FHIT: variants seen among roughly 807,000 people sequenced by gnomAD.
FHIT encodes the protein bis(5'-adenosyl)-triphosphatase.
Under a neutral mutation model 17.9 loss-of-function variants are expected in FHIT, and 19 were observed. The ratio of observed to expected loss-of-function variants is 1.06; its 90% confidence interval spans 0.74 to 1.56. The LOEUF (loss-of-function observed/expected upper bound fraction) is 1.56, where lower values mean the gene tolerates loss of function less well. Ranked by LOEUF, FHIT falls within the 40% of genes most tolerant of loss-of-function variation. The pLI is 0.00. For synonymous variants in FHIT, 81 were observed against 69.7 expected (o/e 1.16, Z -0.81); for missense variants, 248 against 189.2 (o/e 1.31, Z -1.82).
intron 3 of FHIT, among the ~76,000 whole-genome samples, chr3:60,866,499 C>T (rs1553753897): frequency 6.6e-6 from 1 of 152,114 alleles, no homozygotes; most frequent in Non-Finnish European, 1.5e-5. Flanking sequence ...ATCAAGCTGC[C>T]AGGCATGTGG....
chr3:60,585,462 C>T (rs1488896896), intron 4 of FHIT, among the ~76,000 whole-genome samples: 7 of 151,974 alleles, frequency 4.6e-5, no homozygotes, highest in Admixed American at 4.6e-4. Flanking sequence ...CATAGACTCA[C>T]ATGATGTTAT....
chr3:60,996,792 T>C (rs769105404), intron 3 of FHIT, among the ~76,000 whole-genome samples: 1 of 152,252 alleles, frequency 6.6e-6, no homozygotes, highest in Non-Finnish European at 1.5e-5. Context: ...AATAAAGTTA[T>C]CATTTTCACA....
chr3:61,007,526 A>G (rs1162186794), intron 3 of FHIT, among the ~76,000 whole-genome samples: 1 of 152,112 alleles, frequency 6.6e-6, no homozygotes, highest in Non-Finnish European at 1.5e-5. Context: ...ATAATATATG[A>G]TTTTCATCTG....
At chr3:60,969,869 G>T (rs1709922100) in intron 3 of FHIT, among the ~76,000 whole-genome samples, 1 of 151,978 alleles carries the variant, frequency 6.6e-6, no homozygotes, top group African/African-American at 2.4e-5. Context: ...TGACTTTTTT[G>T]TTTGTTTTGT....
chr3:60,764,694 A>T (rs1699788543), intron 4 of FHIT, among the ~76,000 whole-genome samples: 1 of 151,990 alleles, frequency 6.6e-6, no homozygotes, highest in Admixed American at 6.6e-5. Context: ...GCAAGGGGGT[A>T]TTGATTAAGA....
intron 4 of FHIT, among the ~76,000 whole-genome samples, chr3:60,709,118 G>C (rs1011244626): frequency 6.6e-6 from 1 of 152,062 alleles, no homozygotes; most frequent in Non-Finnish European, 1.5e-5. Flanking sequence ...GGTTATGTTG[G>C]TTATATCTAT....
intron 4 of FHIT, among the ~76,000 whole-genome samples, chr3:60,548,224 A>AG (rs1453574236): frequency 6.6e-6 from 1 of 152,070 alleles, no homozygotes; most frequent in Non-Finnish European, 1.5e-5. Flanking sequence ...ATAAGACTTC[A>AG]GGGCCCTGAT....
chr3:60,023,301 A>G (rs13067992), intron 5 of FHIT, among the ~76,000 whole-genome samples: 5,835 of 152,348 alleles, frequency 0.038, 139 homozygotes, highest in Non-Finnish European at 0.055. Context: ...CAGATCTAGA[A>G]AACCACATGC....
chr3:61,074,663 A>T (rs2106752634), intron 2 of FHIT, among the ~76,000 whole-genome samples: 1 of 152,194 alleles, frequency 6.6e-6, no homozygotes, highest in Non-Finnish European at 1.5e-5. Context: ...CTGAGGCCTA[A>T]TGTCAATTAC....
intron 8 of FHIT, among the ~76,000 whole-genome samples, chr3:59,846,431 A>G (rs1701723229): frequency 6.6e-6 from 1 of 152,246 alleles, no homozygotes; most frequent in South Asian, 2.1e-4. Flanking sequence ...AATTACATCT[A>G]TATATCTTGA....
At chr3:60,228,466 T>C (rs998202620) in intron 5 of FHIT, among the ~76,000 whole-genome samples, 7 of 152,166 alleles carry the variant, frequency 4.6e-5, no homozygotes, top group Non-Finnish European at 7.3e-5. Flanking sequence ...AGGTGAATTT[T>C]TTTGGTATGT....
chr3:59,882,641 T>C (rs1703457809), intron 8 of FHIT, among the ~76,000 whole-genome samples: 1 of 151,884 alleles, frequency 6.6e-6, no homozygotes, highest in Admixed American at 6.6e-5. Flanking sequence ...GGGTTAAGAG[T>C]TTCAAATAAC....
At chr3:60,240,260 A>G (rs1318343653) in intron 5 of FHIT, among the ~76,000 whole-genome samples, 1 of 152,194 alleles carries the variant, frequency 6.6e-6, no homozygotes, top group Admixed American at 6.5e-5. Context: ...CATTAGTAGG[A>G]GAGAATGGGG....
At chr3:60,441,744 TTATATATATAAAA>T (rs372878599) in intron 5 of FHIT, among the ~76,000 whole-genome samples, 242 of 7,618 alleles carry the variant, frequency 0.032, 39 homozygotes, top group Non-Finnish European at 0.11. Context: ...ATATATATAT[TTATATATATAAAA>T]ATATATATAT....
chr3:60,543,318 C>G (rs2036246182), intron 4 of FHIT, among the ~76,000 whole-genome samples: 1 of 152,084 alleles, frequency 6.6e-6, no homozygotes, highest in African/African-American at 2.4e-5. Context: ...AAACAGAGAT[C>G]CTCTTTCTGT....
chr3:60,001,841 C>A (rs1008448472), intron 7 of FHIT, among the ~76,000 whole-genome samples: 5 of 152,132 alleles, frequency 3.3e-5, no homozygotes, highest in African/African-American at 1.2e-4. Context: ...ACTGCTAGAA[C>A]CTGATTACGT....
chr3:60,097,335 T>G (rs926695929), intron 5 of FHIT, among the ~76,000 whole-genome samples: 1 of 152,190 alleles, frequency 6.6e-6, no homozygotes, highest in South Asian at 2.1e-4. Context: ...TAAAATGAGC[T>G]GGGAATTTCC....
chr3:60,442,130 G>A (rs1372056609), intron 5 of FHIT, among the ~76,000 whole-genome samples: 7 of 151,860 alleles, frequency 4.6e-5, no homozygotes, highest in Non-Finnish European at 8.8e-5. Context: ...AAAGCACTGG[G>A]ATTGCAGGCA....
chr3:60,212,246 C>G, intron 5 of FHIT, among the ~76,000 whole-genome samples: 1 of 152,172 alleles, frequency 6.6e-6, no homozygotes, highest in East Asian at 1.9e-4. Context: ...AAAACAAGGA[C>G]TGGCTCCAGT....
Sources: gnomAD v4.1 joint callset for allele counts (sites outside exome capture counted in the v4.1 genomes callset) on GRCh38, gnomAD v4.1.1 for gene constraint, MANE v1.5 for transcripts, NCBI Gene and HGNC (gene_info 2026-07-23, HGNC 2026-07-21) for gene names.